Variants in RCOR3 observed in about 807,000 individuals in gnomAD.
The protein encoded by RCOR3 is REST corepressor 3.
A neutral mutation model predicts 64.1 loss-of-function variants in RCOR3; 13 were observed. That is an observed-to-expected ratio of 0.20 (90% CI 0.13 to 0.32). The LOEUF is 0.32. Ranked by LOEUF, RCOR3 falls within the 10% of genes least tolerant of loss-of-function variation. The pLI is 1.00. For missense variants in RCOR3, 489 were observed against 701.2 expected, an observed-to-expected ratio of 0.70 and a Z score of 3.42; for synonymous variants, 215 against 239.0, an observed-to-expected ratio of 0.90 and a Z score of 0.93.
intron 10 of RCOR3, among the ~76,000 whole-genome samples, chr1:211,307,901 T>C (rs865834009): frequency 6.6e-6 from 1 of 152,074 alleles, no homozygotes. Flanking sequence ...GACAGAACTA[T>C]GTTCAGGTGG....
chr1:211,263,477 C>T (rs1434096501), intron 2 of RCOR3, among the ~76,000 whole-genome samples: 2 of 152,066 alleles, frequency 1.3e-5, no homozygotes, highest in African/African-American at 4.8e-5. Flanking sequence ...TAAGGATAAA[C>T]ATCACTTTCT....
rs1558051964 is a variant in RCOR3, at chr1:211,271,219, CT to C, written c.224-8del. On this transcript the variant is annotated splice_polypyrimidine_tract_variant and intron_variant, in intron 2 of 11. Transcript: ENST00000419091. ...AATCCATCATATTCAAAGTAATTAT[CT>C]TTTTCCCCCAGGTGCTACAAAGTAC... 6 of 1,606,928 alleles carry C rather than the reference CT, an allele frequency of 3.7e-6. No individual in the cohort carries two copies. The highest frequency in any genetic ancestry group is 1.1e-5 in the South Asian group (1 of 90,700).
chr1:211,286,552 C>G (rs984256888), intron 7 of RCOR3, among the ~76,000 whole-genome samples: 1 of 152,104 alleles, frequency 6.6e-6, no homozygotes, highest in Non-Finnish European at 1.5e-5. Flanking sequence ...CGTGATCCGC[C>G]CCCCTCGGCC....
chr1:211,277,300 A>G (rs1284883694), intron 5 of RCOR3, among the ~76,000 whole-genome samples: 1 of 151,958 alleles, frequency 6.6e-6, no homozygotes, highest in African/African-American at 2.4e-5. Context: ...AAATTAGATA[A>G]TATTTGCAAA....
chr1:211,293,206 T>G (rs1197819541), intron 8 of RCOR3, among the ~76,000 whole-genome samples: 1 of 152,186 alleles, frequency 6.6e-6, no homozygotes, highest in Non-Finnish European at 1.5e-5. Flanking sequence ...AATGAAAGTT[T>G]TCTTAATTAT....
At chr1:211,272,884 G>A (rs1263064893) in intron 3 of RCOR3, among the ~76,000 whole-genome samples, 2 of 151,866 alleles carry the variant, frequency 1.3e-5, no homozygotes, top group African/African-American at 4.8e-5. Flanking sequence ...GCCTCCCAAA[G>A]TGCTGGGATT....
intron 8 of RCOR3, chr1:211,291,516 A>G: frequency 2.2e-6 from 1 of 455,698 alleles, no homozygotes; most frequent in South Asian, 1.6e-5. Context: ...ATTTGGTACT[A>G]TCCACAGTTT....
intron 9 of RCOR3, among the ~76,000 whole-genome samples, chr1:211,297,799 A>G (rs1156995411): frequency 2.6e-5 from 4 of 152,166 alleles, no homozygotes; most frequent in African/African-American, 9.7e-5. Flanking sequence ...ACTTGAATAG[A>G]TGTGTTTCAG....
chr1:211,279,150 G>C, intron 6 of RCOR3, 88 bp from the exon 7 acceptor site: 1 of 823,230 alleles, frequency 1.2e-6, no homozygotes, highest in Middle Eastern at 3.8e-4. Flanking sequence ...TCATGCCATT[G>C]CACTCCAGCC....
chr1:211,282,022 C>G (rs1298344691), intron 7 of RCOR3, among the ~76,000 whole-genome samples: 2 of 152,068 alleles, frequency 1.3e-5, no homozygotes, highest in African/African-American at 4.8e-5. Flanking sequence ...AACCTGAAAA[C>G]TTAAGAATTT....
intron 2 of RCOR3, 81 bp from the exon 3 acceptor site, chr1:211,271,151 C>T (rs762850360): frequency 3.1e-6 from 4 of 1,298,798 alleles, no homozygotes; most frequent in African/African-American, 2.9e-5. Context: ...GCCACCGTGC[C>T]TGGGCAGCTT....
At chr1:211,309,102 A>AAAC (rs1553264484) in intron 10 of RCOR3, among the ~76,000 whole-genome samples, 1 of 151,508 alleles carries the variant, frequency 6.6e-6, no homozygotes, top group African/African-American at 2.4e-5. Context: ...AAAAAAAAAA[A>AAAC]AAAAGATTCA....
In RCOR3 at chr1:211,304,983, A is replaced by T. The variant is rs551201828; in HGVS notation, c.1075+843A>T. 4.0e-5 allele frequency among the ~76,000 whole-genome samples: 6 copies of T among 151,390 alleles called. No individual in the cohort carries two copies. The South Asian group carries it at 1.3e-3, about 32-fold the overall frequency. On this transcript the variant is annotated intron_variant, in intron 10 of 11. Coordinates refer to ENST00000419091, the MANE Select transcript of RCOR3 (RefSeq NM_001136223.3). ...TTGAGTGCTAATAGCTTTTTTTTTT[A>T]ATCTAGGTTAACTACTGTGAGATAG...
chr1:211,265,267 T>C (rs1039993596), intron 2 of RCOR3, among the ~76,000 whole-genome samples: 1 of 144,170 alleles, frequency 6.9e-6, no homozygotes, highest in African/African-American at 2.9e-5. Flanking sequence ...TCCAATTAAA[T>C]ATAAATACTA....
intron 2 of RCOR3, among the ~76,000 whole-genome samples, chr1:211,263,832 T>G (rs1472477958): frequency 2.0e-5 from 3 of 150,638 alleles, no homozygotes; most frequent in East Asian, 1.9e-4. Context: ...TTTTTTTTTG[T>G]TTTTTTTAGG....
In RCOR3 at chr1:211,259,690, G is replaced by T; in HGVS notation, c.130G>T (p.Glu44Ter). Residue 44 changes from glutamate (E) to a stop codon, truncating the protein, a stop_gained, in exon 1 of 12, where the codon GAG becomes TAG. Transcript: ENST00000419091. LOFTEE classifies it high-confidence loss of function. ...CACCAACGGCGGGCTGCACTACTCA[G>T]AGCCCGAGAGCGGCTGCAGCAGCGA... ...SSTNGGLHYS[E>*]PESGCSSDDE... 1 of 1,535,290 alleles carries T rather than the reference G, an allele frequency of 6.5e-7. No individual in the cohort carries two copies. The highest frequency in any genetic ancestry group is 2.5e-5 in the East Asian group (1 of 39,838).
chr1:211,260,903 C>T (rs1485083981), intron 2 of RCOR3: 1 of 152,400 alleles, frequency 6.6e-6, no homozygotes, highest in African/African-American at 2.4e-5. Context: ...AGCTTGCGGG[C>T]TCCCTGTCTA....
intron 3 of RCOR3, chr1:211,271,510 C>T (rs1207856769): frequency 1.6e-6 from 1 of 641,456 alleles, no homozygotes; most frequent in Non-Finnish European, 2.9e-6. Flanking sequence ...GTGGGTTGAT[C>T]ATTCCAATTT....
intron 3 of RCOR3, 21 bp downstream of exon 3, chr1:211,271,330 T>TG (rs1696165226): frequency 6.3e-7 from 1 of 1,596,030 alleles, no homozygotes; most frequent in Non-Finnish European, 8.6e-7. Flanking sequence ...TGAAGTTGAA[T>TG]GTTAATGTCA....
Sources: gnomAD v4.1 joint callset for allele counts (sites outside exome capture counted in the v4.1 genomes callset) on GRCh38, gnomAD v4.1.1 for gene constraint, MANE v1.5 for transcripts, NCBI Gene and HGNC (gene_info 2026-07-23, HGNC 2026-07-21) for gene names.